Variants in LEF1 observed in about 807,000 individuals in gnomAD.
The protein encoded by LEF1 is lymphoid enhancer-binding factor 1.
In LEF1, 14 loss-of-function variants were observed where a neutral mutation model predicts 51.2. That is an observed-to-expected ratio of 0.27 (90% CI 0.18 to 0.43). LEF1 has a LOEUF of 0.43. Among genes scored for constraint, LEF1 ranks in the 20% least tolerant of loss-of-function variants. LEF1 has a pLI of 1.00. For missense variants in LEF1, 386 were observed against 512.0 expected, an observed-to-expected ratio of 0.75 and a Z score of 2.37; for synonymous variants, 185 against 183.2, an observed-to-expected ratio of 1.01 and a Z score of -0.08.
At chr4:108,092,917 T>TAAAAAAAAAA (rs71592104) in intron 3 of LEF1, among the ~76,000 whole-genome samples, 3 of 31,142 alleles carry the variant, frequency 9.6e-5, no homozygotes, top group South Asian at 1.4e-3. Context: ...AATGAATATG[T>TAAAAAAAAAA]AAAAAAAAAA....
At chr4:108,122,868 T>C (rs975516943) in intron 3 of LEF1, among the ~76,000 whole-genome samples, 2 of 152,218 alleles carry the variant, frequency 1.3e-5, no homozygotes. Context: ...TAAATAAAAG[T>C]AAATATTCAG....
At chr4:108,148,913 C>A (rs1257533593) in intron 3 of LEF1, among the ~76,000 whole-genome samples, 4 of 152,042 alleles carry the variant, frequency 2.6e-5, no homozygotes, top group African/African-American at 9.7e-5. Flanking sequence ...AAATAATGAA[C>A]CAAACTAATG....
intron 3 of LEF1, among the ~76,000 whole-genome samples, chr4:108,153,384 T>C (rs1362150669): frequency 6.6e-6 from 1 of 152,210 alleles, no homozygotes; most frequent in Non-Finnish European, 1.5e-5. Flanking sequence ...CAATGTAGCC[T>C]TATTGATAAT....
chr4:108,049,388 C>T (rs998319357), intron 11 of LEF1, among the ~76,000 whole-genome samples: 13 of 152,204 alleles, frequency 8.5e-5, no homozygotes, highest in African/African-American at 3.1e-4. Context: ...ATAATGTTGC[C>T]AGATATTGGT....
At chr4:108,081,812 G>C (rs1175491812) in intron 5 of LEF1, 143 bp from the exon 6 acceptor site, 1 of 638,128 alleles carries the variant, frequency 1.6e-6, no homozygotes, top group Non-Finnish European at 2.8e-6. Context: ...TTTCAGAAAC[G>C]TAACCGTTCC....
intron 3 of LEF1, among the ~76,000 whole-genome samples, chr4:108,149,467 A>AAAAAAAAG: frequency 6.7e-6 from 1 of 148,576 alleles, no homozygotes; most frequent in Admixed American, 6.7e-5. Context: ...TCAAAAAAAA[A>AAAAAAAAG]AAAAAAAAAT....
chr4:108,097,021 G>C (rs1464233798), intron 3 of LEF1, among the ~76,000 whole-genome samples: 1 of 152,168 alleles, frequency 6.6e-6, no homozygotes, highest in Non-Finnish European at 1.5e-5. Context: ...TGACTATGGA[G>C]AACAGTGTGG....
intron 3 of LEF1, among the ~76,000 whole-genome samples, chr4:108,106,648 G>A (rs968733843): frequency 6.6e-6 from 1 of 152,172 alleles, no homozygotes; most frequent in Non-Finnish European, 1.5e-5. Context: ...AAGTGGTAGA[G>A]CCAGCACTAG....
intron 10 of LEF1, among the ~76,000 whole-genome samples, chr4:108,063,977 C>T (rs531242991): frequency 1.3e-5 from 2 of 152,190 alleles, no homozygotes; most frequent in South Asian, 2.1e-4. Flanking sequence ...ATTTAATCAA[C>T]ATAAAATATT....
At chr4:108,076,354 G>A (rs1343465412) in intron 8 of LEF1, among the ~76,000 whole-genome samples, 1 of 152,106 alleles carries the variant, frequency 6.6e-6, no homozygotes, top group Non-Finnish European at 1.5e-5. Context: ...TTATAGATCT[G>A]TAAATTCTAG....
At chr4:108,164,142 C>T (rs1422012246) in intron 2 of LEF1, among the ~76,000 whole-genome samples, 1 of 151,864 alleles carries the variant, frequency 6.6e-6, no homozygotes, top group African/African-American at 2.4e-5. Flanking sequence ...AAGATTCTAC[C>T]TGTGCTTGCA....
At chr4:108,131,095 C>T (rs1560812300) in intron 3 of LEF1, among the ~76,000 whole-genome samples, 2 of 151,892 alleles carry the variant, frequency 1.3e-5, no homozygotes, top group Admixed American at 6.5e-5. Flanking sequence ...CCGCCTCAGC[C>T]GCCAGAGCAG....
intron 3 of LEF1, among the ~76,000 whole-genome samples, chr4:108,136,278 C>T (rs1015638197): frequency 1.3e-5 from 2 of 152,114 alleles, no homozygotes; most frequent in Non-Finnish European, 2.9e-5. Context: ...CTATAAAATT[C>T]GTATCTTTCT....
chr4:108,149,103 T>C (rs1474072932), intron 3 of LEF1, among the ~76,000 whole-genome samples: 3 of 152,228 alleles, frequency 2.0e-5, no homozygotes, highest in Non-Finnish European at 2.9e-5. Flanking sequence ...CAAAACTGTT[T>C]ACATGCTTAC....
intron 3 of LEF1, among the ~76,000 whole-genome samples, chr4:108,092,225 G>C: frequency 6.6e-6 from 1 of 152,138 alleles, no homozygotes. Flanking sequence ...ATTTAAGCCT[G>C]GCCTTGTCTT....
chr4:108,138,689 G>A (rs1365307139), intron 3 of LEF1, among the ~76,000 whole-genome samples: 2 of 152,244 alleles, frequency 1.3e-5, no homozygotes, highest in African/African-American at 4.8e-5. Flanking sequence ...TGGAGATTAT[G>A]GGGGCTAGCC....
chr4:108,070,552 CA>C, intron 9 of LEF1, 110 bp downstream of exon 9: 1 of 611,114 alleles, frequency 1.6e-6, no homozygotes. Flanking sequence ...CATTAACTTC[CA>C]AAAAATAAGT....
intron 3 of LEF1, among the ~76,000 whole-genome samples, chr4:108,148,766 A>C (rs1019028065): frequency 7.2e-5 from 11 of 152,184 alleles, no homozygotes; most frequent in Non-Finnish European, 1.3e-4. Flanking sequence ...TTTATCCTTA[A>C]ACTTTAGGAT....
chr4:108,132,366 T>A (rs368800864), intron 3 of LEF1, among the ~76,000 whole-genome samples: 1 of 152,098 alleles, frequency 6.6e-6, no homozygotes, highest in African/African-American at 2.4e-5. Context: ...TGTCTTGGCA[T>A]CCCAATTAGA....
Sources: allele counts gnomAD v4.1 joint callset (sites outside exome capture counted in the v4.1 genomes callset), GRCh38; gene constraint gnomAD v4.1.1; transcripts MANE v1.5; gene names NCBI Gene and HGNC (gene_info 2026-07-23, HGNC 2026-07-21).